Variants in MCM3AP observed in about 807,000 individuals in gnomAD.
The protein encoded by MCM3AP is germinal-center associated nuclear protein.
Under a neutral mutation model 184.1 loss-of-function variants are expected in MCM3AP, and 126 were observed. The ratio of observed to expected loss-of-function variants is 0.68; its 90% CI spans 0.59 to 0.79. The LOEUF (loss-of-function observed/expected upper bound fraction) is 0.79. Ranked by LOEUF, MCM3AP falls within the 30% of genes least tolerant of loss-of-function variation. The pLI is 0.00. For synonymous variants in MCM3AP, 1,002 were observed against 979.3 expected (o/e 1.02, Z -0.43); for missense variants, 2,496 against 2,479.2 (o/e 1.01, Z -0.14).
rs750547964 is a variant in MCM3AP, at chr21:46,235,315, C to G, written c.5896G>C (p.Ala1966Pro). 2 of 1,614,204 alleles carry G rather than the reference C, an allele frequency of 1.2e-6. No homozygotes were observed. Among genetic ancestry groups the G allele is most frequent in the East Asian group, 4.5e-5 (2 of 44,876 alleles). ...LIRSSREEEVASELHLSALLD... is the reference protein window; with the variant it reads ...LIRSSREEEVPSELHLSALLD... ...AGCGCAGAGAGATGGAGCTCAGAGGCAACTTCCTCTTCCCTTGAACTCCGG... is the reference window on the plus strand; with the variant it reads ...AGCGCAGAGAGATGGAGCTCAGAGGGAACTTCCTCTTCCCTTGAACTCCGG... Residue 1966 changes from alanine to proline, a missense_variant, in exon 28 of 28, where the codon GCC becomes CCC. By Grantham distance (27) the Ala-to-Pro change is conservative (BLOSUM62 -1). Coordinates refer to ENST00000291688, the MANE Select transcript of MCM3AP (RefSeq NM_003906.5).
At chr21:46,270,685 T>A in intron 8 of MCM3AP, 122 bp from the exon 9 acceptor site, 1 of 857,010 alleles carries the variant, frequency 1.2e-6, no homozygotes, top group South Asian at 1.8e-5. Context: ...ACACCTGTAA[T>A]CCCAAAACGT....
chr21:46,261,465 T>A (rs1332119517), intron 13 of MCM3AP, 54 bp from the exon 14 acceptor site: 16 of 1,575,808 alleles, frequency 1.0e-5, no homozygotes, highest in Middle Eastern at 1.8e-4. Flanking sequence ...CCGGGTGCGG[T>A]GGCTCACGCC....
In MCM3AP at chr21:46,275,318, C is replaced by T. The variant is rs1372064903; in HGVS notation, c.1866G>A (p.Val622=). The T allele has an allele frequency of 6.2e-7, 1 of 1,612,550 alleles. No individual in the cohort carries two copies. Among genetic ancestry groups the T allele is most frequent in the East Asian group, 2.2e-5 (1 of 44,808 alleles). Residue 622 remains valine, a synonymous_variant, in exon 6 of 28, where the codon GTG becomes GTA. Transcript: ENST00000291688. ...QRDRIMRQAR[V]KRTDLDKART... ...TCGCTTTGTCCAGATCGGTTCTCTT[C>T]ACCCGAGCTAAATGACGTCAAGTAA...
rs2081107996 is a variant in MCM3AP, at chr21:46,266,040, G to A, written c.2916C>T (p.Pro972=). The A allele has an allele frequency of 6.2e-7, 1 of 1,612,292 alleles. No individual in the cohort carries two copies. The highest frequency in any genetic ancestry group is 8.5e-7 in the Non-Finnish European group (1 of 1,179,266). The change falls in exon 11 of 28, where the codon CCC becomes CCT. Residue 972 remains proline, a synonymous_variant. Transcript: ENST00000291688. The part of the protein sequence containing the change: ...VGEIVNGGPL[P]PVPRHTPVCS... ...ACACAGGGGTATGACGAGGGACGGG[G>A]GGCAATGGCCCTCCGTTCACAATTT...
At chr21:46,255,418 A>G (rs2080935388) in intron 17 of MCM3AP, among the ~76,000 whole-genome samples, 1 of 149,872 alleles carries the variant, frequency 6.7e-6, no homozygotes, top group Non-Finnish European at 1.5e-5. Context: ...GAGCTGTTGG[A>G]GGATCCCTCT....
In MCM3AP at chr21:46,254,494, G is replaced by A. The variant is rs758845911; in HGVS notation, c.4034C>T (p.Ser1345Phe). The change falls in exon 19 of 28, where the codon TCC (serine) becomes TTC (phenylalanine). Residue 1345 changes from serine (S) to phenylalanine (F), a missense_variant. By Grantham distance (155) the Ser-to-Phe change is radical. Around this residue, in one of 5 missense-constraint regions of MCM3AP, gnomAD observed 1,323 missense variants for 1,273.4 expected, o/e 1.04. Coordinates refer to ENST00000291688, the MANE Select transcript of MCM3AP (RefSeq NM_003906.5). ...CCCAGGGAGGTGCTCAGCCACGAGGGATGGCAGGTCCAGAGACGCCCATGC... is the reference window on the plus strand; with the variant it reads ...CCCAGGGAGGTGCTCAGCCACGAGGAATGGCAGGTCCAGAGACGCCCATGC... ...DVAWASLDLP[S>F]LVAEHLPGRQ... 1 of 1,614,136 alleles carries A rather than the reference G, an allele frequency of 6.2e-7. No homozygotes were observed. Among genetic ancestry groups the A allele is most frequent in the South Asian group, 1.1e-5 (1 of 91,092 alleles).
rs2080840743 is a variant in MCM3AP at position 46,249,846 on chromosome 21, G to A, written c.4290+1683C>T. On this transcript the variant is annotated intron_variant, in intron 20 of 27. Coordinates refer to ENST00000291688, the MANE Select transcript of MCM3AP (RefSeq NM_003906.5). ...AGAGGCTTGGGCAGTTTATTTTACC[G>A]TCTCTGAGTAAAATAGGGATAATAA... 1.8e-5 allele frequency: 4 copies of A among 224,350 alleles called. No individual in the cohort carries two copies. The South Asian group carries it at 2.1e-4, about 12-fold the overall frequency. The allele number at this position is 224,350 out of a possible 1,614,324, so 13.9% of individuals were successfully genotyped here.
chr21:46,265,902 A>G (rs748382040), intron 11 of MCM3AP, 23 bp downstream of exon 11: 1 of 1,532,968 alleles, frequency 6.5e-7, no homozygotes, highest in Admixed American at 1.9e-5. Flanking sequence ...TAGTCCCCTC[A>G]CTACGACTGC....
chr21:46,259,414 C>G lies in MCM3AP; in HGVS notation c.3582-323G>C, dbSNP rs151337354. On this transcript the variant is annotated intron_variant, in intron 15 of 27. Coordinates refer to ENST00000291688, the MANE Select transcript of MCM3AP (RefSeq NM_003906.5). ...GAGCTTGCAGTGAGCAGAGATCGCG[C>G]CACTGCACTCCAGCCTGGACGACAG... The G allele has an allele frequency of 7.2e-3, 1,297 of 181,322 alleles. 15 individuals carry two copies. The highest frequency in any genetic ancestry group is 0.03 in the African/African-American group (1,238 of 41,954). The allele number at this position is 181,322 out of a possible 1,614,324, so 11.2% of individuals were successfully genotyped here.
chr21:46,253,640 G>C (rs567341168), intron 19 of MCM3AP: 1 of 149,030 alleles, frequency 6.7e-6, no homozygotes, highest in African/African-American at 2.5e-5. Flanking sequence ...CTTCGCTGTT[G>C]TCATGATAGT....
chr21:46,264,751 G>A (rs1183014757), intron 12 of MCM3AP, among the ~76,000 whole-genome samples: 1 of 152,006 alleles, frequency 6.6e-6, no homozygotes, highest in Non-Finnish European at 1.5e-5. Flanking sequence ...CACACCAGAG[G>A]GGACACGACC....
intron 19 of MCM3AP, chr21:46,253,836 C>G (rs188775504): frequency 4.5e-5 from 7 of 156,022 alleles, no homozygotes; most frequent in African/African-American, 1.5e-4. Context: ...GTGAGCCTCG[C>G]GAGACCTGGT....
intron 23 of MCM3AP, 26 bp from the exon 24 acceptor site, chr21:46,243,748 AC>A: frequency 6.2e-7 from 1 of 1,610,472 alleles, no homozygotes; most frequent in Non-Finnish European, 8.5e-7. Flanking sequence ...CTCATTAGTT[AC>A]AGGTTTGGCC....
intron 15 of MCM3AP, among the ~76,000 whole-genome samples, chr21:46,260,318 G>C (rs1430046374): frequency 1.3e-5 from 2 of 152,110 alleles, no homozygotes; most frequent in Non-Finnish European, 2.9e-5. Context: ...TCACTATGTT[G>C]CCCAGGCTGG....
chr21:46,277,346 C>A (rs774319395), intron 5 of MCM3AP, among the ~76,000 whole-genome samples, 181 bp downstream of exon 5: 1 of 152,118 alleles, frequency 6.6e-6, no homozygotes, highest in Non-Finnish European at 1.5e-5. Flanking sequence ...CATTTATGTA[C>A]ACATACACGC....
intron 16 of MCM3AP, among the ~76,000 whole-genome samples, chr21:46,257,190 C>T (rs1035611269): frequency 6.6e-5 from 10 of 152,244 alleles, no homozygotes; most frequent in African/African-American, 2.4e-4. Flanking sequence ...GATACATATA[C>T]CCAGCTGGGT....
At chr21:46,244,004 C>A (rs895573877) in intron 23 of MCM3AP, among the ~76,000 whole-genome samples, 1 of 152,172 alleles carries the variant, frequency 6.6e-6, no homozygotes, top group African/African-American at 2.4e-5. Flanking sequence ...TAACAAGCAC[C>A]CAGATGAGTC....
At chr21:46,274,309 T>C (rs1291387818) in intron 6 of MCM3AP, among the ~76,000 whole-genome samples, 4 of 152,220 alleles carry the variant, frequency 2.6e-5, no homozygotes, top group African/African-American at 2.4e-5. Context: ...TCAGGAAAGG[T>C]CATACCCTCT....
chr21:46,281,054 C>T (rs2081325857), intron 2 of MCM3AP, among the ~76,000 whole-genome samples: 1 of 152,218 alleles, frequency 6.6e-6, no homozygotes, highest in Non-Finnish European at 1.5e-5. Flanking sequence ...GATCCGCCCA[C>T]CTTGGCCTCC....
Sources: allele counts gnomAD v4.1 joint callset (sites outside exome capture counted in the v4.1 genomes callset), GRCh38; gene constraint gnomAD v4.1.1; regional missense constraint gnomAD v4.1.1; transcripts MANE v1.5; gene names NCBI Gene and HGNC (gene_info 2026-07-23, HGNC 2026-07-21).